The following RIT2 variants were observed in gnomAD, a reference collection of about 807,000 sequenced individuals.
RIT2 encodes Ras like without CAAX 2.
In RIT2, 24 loss-of-function variants were observed where a neutral mutation model predicts 23.7. The ratio of observed to expected loss-of-function variants is 1.01; its 90% CI spans 0.73 to 1.43. The LOEUF (loss-of-function observed/expected upper bound fraction) is 1.43. Ranked by LOEUF, RIT2 falls within the 40% of genes most tolerant of loss-of-function variation. RIT2 has a pLI of 0.00. For synonymous variants in RIT2, 107 were observed against 91.1 expected (o/e 1.17, Z -0.99); for missense variants, 236 against 266.9 (o/e 0.88, Z 0.81).
At chr18:42,929,034 G>GAGATATATATATATATATATAT (rs1555647353) in intron 3 of RIT2, among the ~76,000 whole-genome samples, 3 of 96,946 alleles carry the variant, frequency 3.1e-5, no homozygotes, top group South Asian at 3.5e-4. Context: ...AAAATATGGA[G>GAGATATATATATATATATATAT]ATATATATAT....
At chr18:42,826,489 A>G (rs943444458) in intron 4 of RIT2, among the ~76,000 whole-genome samples, 4 of 152,076 alleles carry the variant, frequency 2.6e-5, no homozygotes, top group Non-Finnish European at 5.9e-5. Context: ...TCAACCAAAC[A>G]ACCAATCTCT....
rs192521297 is a variant in RIT2 at position 43,051,757 on chromosome 18, G to A, written c.104-17890C>T. On this transcript the variant is annotated intron_variant, in intron 1 of 4. Transcript: ENST00000326695. ...TGCTTTGAAGTAGCTCATTAACTCA[G>A]GAGGGATATAAGCCTTGTTGTCTAA... Among the ~76,000 whole-genome samples, 336 of 152,238 alleles carry A rather than the reference G, an allele frequency of 2.2e-3. 2 individuals carry two copies. Among genetic ancestry groups the A allele is most frequent in the South Asian group, 6.8e-3 (33 of 4,826 alleles).
At chr18:42,745,021 G>T (rs573825639) in intron 4 of RIT2, among the ~76,000 whole-genome samples, 1 of 152,108 alleles carries the variant, frequency 6.6e-6, no homozygotes, top group Non-Finnish European at 1.5e-5. Context: ...ATCACCATTA[G>T]AAGTATTAGA....
chr18:42,937,386 G>A (rs1054514493), intron 3 of RIT2, among the ~76,000 whole-genome samples: 1 of 152,120 alleles, frequency 6.6e-6, no homozygotes, highest in Non-Finnish European at 1.5e-5. Flanking sequence ...TCTATGCAGT[G>A]CCCATGAGGA....
chr18:42,808,185 G>A (rs906131099), intron 4 of RIT2, among the ~76,000 whole-genome samples: 3 of 152,170 alleles, frequency 2.0e-5, no homozygotes, highest in Non-Finnish European at 4.4e-5. Context: ...CCTCAGAGTT[G>A]CACAAGATAA....
At chr18:43,016,304 T>C (rs551354968) in intron 2 of RIT2, among the ~76,000 whole-genome samples, 4 of 152,002 alleles carry the variant, frequency 2.6e-5, no homozygotes, top group African/African-American at 9.6e-5. Context: ...TCCATTGGTG[T>C]GGTGCTTGAT....
At chr18:42,931,705 C>T (rs1909329944) in intron 3 of RIT2, among the ~76,000 whole-genome samples, 1 of 152,074 alleles carries the variant, frequency 6.6e-6, no homozygotes, top group Admixed American at 6.6e-5. Context: ...TGTTTTCCTG[C>T]CGATAAAACC....
intron 4 of RIT2, among the ~76,000 whole-genome samples, chr18:42,884,702 A>T (rs756934557): frequency 3.7e-4 from 57 of 152,310 alleles, no homozygotes; most frequent in Non-Finnish European, 6.5e-4. Flanking sequence ...GTTGAGCAAA[A>T]TGCTACCTGA....
chr18:42,918,728 T>C (rs746761219), intron 4 of RIT2, among the ~76,000 whole-genome samples: 4 of 152,180 alleles, frequency 2.6e-5, no homozygotes, highest in African/African-American at 7.2e-5. Context: ...ACGCTTGATA[T>C]GTGTGTACTA....
At chr18:43,094,596 G>T (rs8088286) in intron 1 of RIT2, among the ~76,000 whole-genome samples, 17,213 of 151,898 alleles carry the variant, frequency 0.11, 1,302 homozygotes, top group East Asian at 0.37. Flanking sequence ...TTTGTAGAAA[G>T]ACTTCAAAAT....
chr18:42,757,962 C>T (rs931842653), intron 4 of RIT2, among the ~76,000 whole-genome samples: 4 of 151,804 alleles, frequency 2.6e-5, no homozygotes, highest in African/African-American at 7.3e-5. Flanking sequence ...GTTACTGATT[C>T]TTGTCAAGTT....
intron 1 of RIT2, among the ~76,000 whole-genome samples, chr18:43,041,704 T>C (rs979189171): frequency 6.6e-6 from 1 of 152,190 alleles, no homozygotes; most frequent in Admixed American, 6.5e-5. Context: ...ATTTCCATTT[T>C]ATTATTCAGA....
intron 4 of RIT2, among the ~76,000 whole-genome samples, chr18:42,744,346 A>G (rs1912870167): frequency 6.6e-6 from 1 of 152,224 alleles, no homozygotes; most frequent in African/African-American, 2.4e-5. Context: ...CAATGTGAGA[A>G]TTTGTTTTAA....
chr18:42,761,949 C>A (rs978576317), intron 4 of RIT2, among the ~76,000 whole-genome samples: 4 of 152,158 alleles, frequency 2.6e-5, no homozygotes, highest in African/African-American at 9.7e-5. Flanking sequence ...GCAAACCATG[C>A]ATTGAGATGG....
chr18:42,972,247 A>G (rs958525272), intron 3 of RIT2, among the ~76,000 whole-genome samples: 2 of 151,940 alleles, frequency 1.3e-5, no homozygotes, highest in African/African-American at 4.8e-5. Context: ...TAATTTTTCC[A>G]TTGTATATAT....
At chr18:43,106,043 C>T (rs1487331187) in intron 1 of RIT2, among the ~76,000 whole-genome samples, 2 of 152,172 alleles carry the variant, frequency 1.3e-5, no homozygotes, top group Non-Finnish European at 2.9e-5. Context: ...GTGAATTACT[C>T]ACCATCTTCA....
intron 3 of RIT2, among the ~76,000 whole-genome samples, chr18:42,924,205 G>C (rs1464478038): frequency 6.6e-6 from 1 of 152,076 alleles, no homozygotes; most frequent in Non-Finnish European, 1.5e-5. Context: ...GTTTGTATAG[G>C]GGATTTGCCA....
At chr18:42,876,347 A>AT (rs1907742430) in intron 4 of RIT2, among the ~76,000 whole-genome samples, 2 of 142,290 alleles carry the variant, frequency 1.4e-5, no homozygotes, top group African/African-American at 5.3e-5. Context: ...TGTGCCTGAA[A>AT]CTTTTTTTTT....
chr18:42,812,546 A>C (rs1002305660), intron 4 of RIT2, among the ~76,000 whole-genome samples: 1 of 152,188 alleles, frequency 6.6e-6, no homozygotes, highest in African/African-American at 2.4e-5. Flanking sequence ...GTAATATAGT[A>C]AAGTGATTGA....
Sources: gnomAD v4.1 joint callset for allele counts (sites outside exome capture counted in the v4.1 genomes callset) on GRCh38, gnomAD v4.1.1 for gene constraint, MANE v1.5 for transcripts, NCBI Gene and HGNC (gene_info 2026-07-23, HGNC 2026-07-21) for gene names.